HS6ST3: variants seen among roughly 807,000 people sequenced by gnomAD.
The protein encoded by HS6ST3 is heparan-sulfate 6-O-sulfotransferase 3.
A neutral mutation model predicts 36.7 loss-of-function variants in HS6ST3; 12 were observed. The ratio of observed to expected loss-of-function variants is 0.33; its 90% confidence interval spans 0.21 to 0.53. The LOEUF (loss-of-function observed/expected upper bound fraction) is 0.53, where lower values mean the gene tolerates loss of function less well. HS6ST3 is among the 20% of genes least tolerant of loss of function. HS6ST3 has a pLI of 0.95. For missense variants in HS6ST3, 584 were observed against 640.9 expected (o/e 0.91, Z 0.96); for synonymous variants, 240 against 257.5 (o/e 0.93, Z 0.65).
intron 1 of HS6ST3, among the ~76,000 whole-genome samples, chr13:96,629,601 A>C (rs79212786): frequency 6.6e-6 from 1 of 152,152 alleles, no homozygotes; most frequent in Non-Finnish European, 1.5e-5. Flanking sequence ...ATCAGTCATC[A>C]GTGTTAATTG....
At chr13:96,405,948 G>T (rs1355148119) in intron 1 of HS6ST3, among the ~76,000 whole-genome samples, 1 of 152,142 alleles carries the variant, frequency 6.6e-6, no homozygotes, top group East Asian at 1.9e-4. Flanking sequence ...TGGAAAGTTA[G>T]AACAATAGGA....
At chr13:96,580,753 TAGA>T (rs2056339071) in intron 1 of HS6ST3, among the ~76,000 whole-genome samples, 1 of 152,182 alleles carries the variant, frequency 6.6e-6, no homozygotes, top group Admixed American at 6.5e-5. Context: ...TTTACTTACA[TAGA>T]AGATTTTTCT....
At chr13:96,091,650 G>T (rs1245512806) in intron 1 of HS6ST3, 81 bp downstream of exon 1, 1 of 1,401,122 alleles carries the variant, frequency 7.1e-7, no homozygotes, top group East Asian at 2.6e-5. Context: ...GCGACCCCGC[G>T]CTCCCTGCCC....
intron 1 of HS6ST3, among the ~76,000 whole-genome samples, chr13:96,151,458 A>C (rs2054084771): frequency 6.6e-6 from 1 of 152,010 alleles, no homozygotes; most frequent in Non-Finnish European, 1.5e-5. Context: ...AAACAATGCA[A>C]GTTCCATTAA....
intron 1 of HS6ST3, among the ~76,000 whole-genome samples, chr13:96,544,907 T>TACAA (rs1392046884): frequency 6.6e-6 from 1 of 152,188 alleles, no homozygotes; most frequent in Non-Finnish European, 1.5e-5. Flanking sequence ...TTCACAAATG[T>TACAA]ATTGCTTTAA....
chr13:96,636,394 T>C (rs1162564388), intron 1 of HS6ST3, among the ~76,000 whole-genome samples: 1 of 152,126 alleles, frequency 6.6e-6, no homozygotes, highest in Non-Finnish European at 1.5e-5. Context: ...ACTTCATACC[T>C]ACTGACTTTG....
At chr13:96,427,169 A>G (rs916767182) in intron 1 of HS6ST3, 4 of 154,482 alleles carry the variant, frequency 2.6e-5, no homozygotes, top group African/African-American at 9.6e-5. Context: ...TAACCAGGAG[A>G]ACAAACATGG....
At chr13:96,775,535 G>T (rs75099493) in intron 1 of HS6ST3, among the ~76,000 whole-genome samples, 1 of 151,502 alleles carries the variant, frequency 6.6e-6, no homozygotes, top group Non-Finnish European at 1.5e-5. Flanking sequence ...AAAAGCAGGG[G>T]TTGCAATCCT....
At position 96,157,789 on chromosome 13, in the gene HS6ST3, T is replaced by C. The variant is rs2139326812; in HGVS notation, c.707+66220T>C. On this transcript the variant is annotated intron_variant, in intron 1 of 1. Coordinates refer to ENST00000376705, the MANE Select transcript of HS6ST3 (RefSeq NM_153456.4). ...GTGCAAGAGGACTCAAAAAGTGACT[T>C]AATATAAGTGTTATTTCGAATGCGG... Among the ~76,000 whole-genome samples the C allele has an allele frequency of 2.0e-5, 3 of 152,304 alleles. No individual in the cohort carries two copies. In the Middle Eastern group the frequency reaches 0.01, roughly 518 times the overall value.
chr13:96,509,909 A>G (rs1416394886), intron 1 of HS6ST3, among the ~76,000 whole-genome samples: 1 of 152,022 alleles, frequency 6.6e-6, no homozygotes, highest in Non-Finnish European at 1.5e-5. Context: ...CAGGAATTGC[A>G]TTTAATCTGT....
chr13:96,517,370 A>G (rs1413172983), intron 1 of HS6ST3, among the ~76,000 whole-genome samples: 1 of 152,178 alleles, frequency 6.6e-6, no homozygotes, highest in Admixed American at 6.5e-5. Context: ...ACAGAGCAAG[A>G]CCCTGTCTCA....
chr13:96,485,687 T>G (rs1323770942), intron 1 of HS6ST3, among the ~76,000 whole-genome samples: 6 of 152,134 alleles, frequency 3.9e-5, no homozygotes, highest in Non-Finnish European at 8.8e-5. Flanking sequence ...TTTTCACCAT[T>G]AACTATGATG....
intron 1 of HS6ST3, among the ~76,000 whole-genome samples, chr13:96,097,541 A>G (rs1440714909): frequency 6.6e-6 from 1 of 152,176 alleles, no homozygotes; most frequent in Non-Finnish European, 1.5e-5. Flanking sequence ...TGAGTTCGTT[A>G]GATTGTGGAT....
intron 1 of HS6ST3, among the ~76,000 whole-genome samples, chr13:96,743,141 T>C (rs1329635924): frequency 6.6e-6 from 1 of 152,120 alleles, no homozygotes; most frequent in Non-Finnish European, 1.5e-5. Context: ...TCTCCAACCT[T>C]GGATGATCAG....
chr13:96,378,779 A>T (rs780029707), intron 1 of HS6ST3, among the ~76,000 whole-genome samples: 1 of 152,134 alleles, frequency 6.6e-6, no homozygotes, highest in Non-Finnish European at 1.5e-5. Context: ...CTGTGCTCAC[A>T]GGCATACCTC....
At chr13:96,242,201 C>T (rs1429525664) in intron 1 of HS6ST3, among the ~76,000 whole-genome samples, 1 of 151,482 alleles carries the variant, frequency 6.6e-6, no homozygotes, top group Non-Finnish European at 1.5e-5. Flanking sequence ...TACCACCATT[C>T]TACCTTCTGT....
chr13:96,306,846 A>G (rs1398889132), intron 1 of HS6ST3, among the ~76,000 whole-genome samples: 2 of 152,232 alleles, frequency 1.3e-5, no homozygotes, highest in African/African-American at 4.8e-5. Flanking sequence ...TCTAGATGAT[A>G]AGAAAGCTGG....
intron 1 of HS6ST3, among the ~76,000 whole-genome samples, chr13:96,331,822 C>A (rs1404494038): frequency 2.0e-5 from 3 of 152,268 alleles, no homozygotes; most frequent in African/African-American, 7.2e-5. Context: ...GCTGTGCTAG[C>A]AATCAGCGAG....
chr13:96,151,419 AAAG>A (rs1352142432), intron 1 of HS6ST3, among the ~76,000 whole-genome samples: 1 of 151,954 alleles, frequency 6.6e-6, no homozygotes, highest in Admixed American at 6.6e-5. Context: ...AAAAAAAAAA[AAAG>A]AGACTGTCTG....
Sources: gnomAD v4.1 joint callset for allele counts (sites outside exome capture counted in the v4.1 genomes callset) on GRCh38, gnomAD v4.1.1 for gene constraint, MANE v1.5 for transcripts, NCBI Gene and HGNC (gene_info 2026-07-23, HGNC 2026-07-21) for gene names.